Variants in DEGS1 observed in about 807,000 individuals in gnomAD.
The protein encoded by DEGS1 is delta 4-desaturase, sphingolipid 1.
A neutral mutation model predicts 24.1 loss-of-function variants in DEGS1; 17 were observed. The ratio of observed to expected loss-of-function variants is 0.70; its 90% CI spans 0.48 to 1.06. The LOEUF is 1.06. Ranked by LOEUF, DEGS1 falls within the 50% of genes least tolerant of loss-of-function variation. The probability of loss-of-function intolerance (pLI) is 0.00; values close to 1 mark genes in which losing one functional copy is unlikely to be tolerated. For synonymous variants in DEGS1, 134 were observed against 140.0 expected (o/e 0.96, Z 0.30); for missense variants, 366 against 408.9 (o/e 0.90, Z 0.91).
intron 1 of DEGS1, among the ~76,000 whole-genome samples, chr1:224,185,039 A>G (rs1032728001): frequency 6.6e-6 from 1 of 151,910 alleles, no homozygotes; most frequent in Admixed American, 6.6e-5. Context: ...TGAGTTGAAC[A>G]TGAGCAATTA....
At chr1:224,184,574 C>G (rs1311018337) in intron 1 of DEGS1, among the ~76,000 whole-genome samples, 2 of 151,738 alleles carry the variant, frequency 1.3e-5, no homozygotes, top group Non-Finnish European at 2.9e-5. Context: ...TGCAGTGGCG[C>G]GATCTCCACT....
Position 224,183,392 on chromosome 1 carries a change from A to T in DEGS1, c.56A>T (p.His19Leu). Residue 19 changes from histidine to leucine, a missense_variant, in exon 1 of 3, where the codon CAC (histidine) becomes CTC (leucine). By Grantham distance (99) the His-to-Leu change is moderately conservative (BLOSUM62 -3). Coordinates refer to ENST00000323699, the MANE Select transcript of DEGS1 (RefSeq NM_003676.4). ...GAGTGGGTCTACACCGACCAGCCGCACGCCGACCGGCGCCGGGAGATCCTG... is the reference window on the plus strand; with the variant it reads ...GAGTGGGTCTACACCGACCAGCCGCTCGCCGACCGGCGCCGGGAGATCCTG... ...DFEWVYTDQP[H>L]ADRRREILAK... is the part of the protein sequence containing the mutation. 1 of 1,432,032 alleles carries T rather than the reference A, an allele frequency of 7.0e-7. No individual in the cohort carries two copies. The highest frequency in any genetic ancestry group is 9.2e-7 in the Non-Finnish European group (1 of 1,083,088). 88.7% of individuals were successfully genotyped at this position (1,432,032 alleles called of 1,614,324 possible).
Position 224,189,829 on chromosome 1 carries a change from C to G in DEGS1, c.335C>G (p.Ala112Gly). The G allele has an allele frequency of 6.2e-7, 1 of 1,614,212 alleles. No homozygotes were observed. Among genetic ancestry groups the G allele is most frequent in the Middle Eastern group, 1.6e-4 (1 of 6,062 alleles). Reference protein sequence around the residue: ...AMWNRWFGMFANLPIGIPYSI... With the variant: ...AMWNRWFGMFGNLPIGIPYSI... ...TGGAATCGCTGGTTTGGAATGTTTG[C>G]TAATCTTCCTATTGGGATTCCATAT... Residue 112 changes from alanine to glycine, a missense_variant, in exon 2 of 3, where the codon GCT becomes GGT. Ala to Gly is a moderately conservative substitution (Grantham distance 60). Transcript: ENST00000323699.
chr1:224,184,437 G>T (rs1321586521), intron 1 of DEGS1, among the ~76,000 whole-genome samples: 3 of 152,002 alleles, frequency 2.0e-5, no homozygotes, highest in Non-Finnish European at 2.9e-5. Context: ...TGCGCATTCG[G>T]TTGCCTCTTC....
At chr1:224,188,908 CTA>C (rs1343749544) in intron 1 of DEGS1, among the ~76,000 whole-genome samples, 2 of 152,020 alleles carry the variant, frequency 1.3e-5, no homozygotes, top group African/African-American at 4.8e-5. Context: ...AGATTTATTT[CTA>C]TGTTTTCTTA....
chr1:224,188,143 A>G (rs1373793618), intron 1 of DEGS1, among the ~76,000 whole-genome samples: 1 of 152,046 alleles, frequency 6.6e-6, no homozygotes, highest in Non-Finnish European at 1.5e-5. Context: ...CTGTAGTCCC[A>G]GCTACTAGGG....
chr1:224,184,338 C>T (rs1658318417), intron 1 of DEGS1, among the ~76,000 whole-genome samples: 1 of 152,164 alleles, frequency 6.6e-6, no homozygotes, highest in Admixed American at 6.5e-5. Context: ...TACCCAATTT[C>T]ATCCTCTTGG....
At chr1:224,191,160 A>C (rs1170446799) in intron 2 of DEGS1, 1 of 151,792 alleles carries the variant, frequency 6.6e-6, no homozygotes, top group African/African-American at 2.4e-5. Flanking sequence ...GGCCTAGGTG[A>C]GTGGATCATC....
In DEGS1 at chr1:224,192,575, C is replaced by T. The variant is rs576963133; in HGVS notation, c.*97C>T. 9 of 1,194,570 alleles carry T rather than the reference C, an allele frequency of 7.5e-6. No individual in the cohort carries two copies. The Admixed American group carries it at 2.4e-4, about 32-fold the overall frequency. 74.0% of individuals were successfully genotyped at this position (1,194,570 alleles called of 1,614,324 possible). A position where few individuals can be genotyped will look rare whatever the true frequency, so the allele number is the denominator to read the frequency against. On this transcript the variant is annotated 3_prime_UTR_variant, in exon 3 of 3. Coordinates refer to ENST00000323699, the MANE Select transcript of DEGS1 (RefSeq NM_003676.4). Reference sequence around the variant, plus strand: ...TTGAGACCAGTGATGCTCAGAAGCTCCCCTGGCACAATTTCAGAGTAAGAG... The same window carrying T: ...TTGAGACCAGTGATGCTCAGAAGCTTCCCTGGCACAATTTCAGAGTAAGAG...
At chr1:224,192,191 CTTTT>C in intron 2 of DEGS1, 137 bp from the exon 3 acceptor site, 11 of 557,776 alleles carry the variant, frequency 2.0e-5, no homozygotes, top group Non-Finnish European at 2.9e-5. Context: ...GCTGCTGCTG[CTTTT>C]TTTTTTTTTT....
At chr1:224,185,674 C>T (rs2102652814) in intron 1 of DEGS1, among the ~76,000 whole-genome samples, 1 of 152,144 alleles carries the variant, frequency 6.6e-6, no homozygotes, top group East Asian at 1.9e-4. Context: ...CTAAGTTTTT[C>T]TATTTTTATT....
At chr1:224,186,569 C>T (rs1420790171) in intron 1 of DEGS1, among the ~76,000 whole-genome samples, 3 of 151,996 alleles carry the variant, frequency 2.0e-5, no homozygotes, top group Middle Eastern at 3.4e-3. Context: ...AAAAATTAGC[C>T]GGGCGTGGCG....
intron 1 of DEGS1, chr1:224,183,739 A>C (rs2102650853): frequency 4.3e-6 from 1 of 231,234 alleles, no homozygotes; most frequent in East Asian, 8.8e-5. Context: ...CGGCTGTGCC[A>C]GCCTTGAGTA....
intron 1 of DEGS1, among the ~76,000 whole-genome samples, chr1:224,184,966 C>G (rs1408528461): frequency 1.1e-5 from 1 of 92,474 alleles, no homozygotes; most frequent in Non-Finnish European, 2.3e-5. Context: ...GAGAGCCCCC[C>G]GTTTACACAC....
intron 1 of DEGS1, among the ~76,000 whole-genome samples, chr1:224,187,249 A>C (rs1394133689): frequency 6.6e-6 from 1 of 152,108 alleles, no homozygotes; most frequent in Non-Finnish European, 1.5e-5. Context: ...CAGAGGGTGC[A>C]GTGAGCTGAG....
intron 1 of DEGS1, among the ~76,000 whole-genome samples, chr1:224,188,523 C>CT (rs1015241343): frequency 2.0e-5 from 3 of 152,026 alleles, no homozygotes; most frequent in African/African-American, 4.8e-5. Context: ...TTTTACCTAC[C>CT]TTTTTTTATT....
At chr1:224,192,294 C>T in intron 2 of DEGS1, 38 bp from the exon 3 acceptor site, 1 of 1,585,306 alleles carries the variant, frequency 6.3e-7, no homozygotes, top group Non-Finnish European at 8.6e-7. Context: ...AACCTAGTAA[C>T]ACTCATTTTT....
In DEGS1 at chr1:224,193,361, A is replaced by G. The variant is rs528813155; in HGVS notation, c.*883A>G. The G allele has an allele frequency of 2.0e-5, 3 of 152,334 alleles. No homozygotes were observed. The highest frequency in any genetic ancestry group is 6.5e-5 in the Admixed American group (1 of 15,298). 9.4% of individuals were successfully genotyped at this position (152,334 alleles called of 1,614,324 possible). A position where few individuals can be genotyped will look rare whatever the true frequency, so the allele number is the denominator to read the frequency against. On this transcript the variant is annotated 3_prime_UTR_variant, in exon 3 of 3. Coordinates refer to ENST00000323699, the MANE Select transcript of DEGS1 (RefSeq NM_003676.4). ...CTCATTTAAAAATTTTAACTTCTAT[A>G]TGGGACCCGAATTAGACACTGCTGA...
intron 1 of DEGS1, among the ~76,000 whole-genome samples, chr1:224,187,655 A>G (rs1658431079): frequency 6.6e-6 from 1 of 152,064 alleles, no homozygotes; most frequent in African/African-American, 2.4e-5. Flanking sequence ...CACCTGGCCA[A>G]TAGCTTTATT....
Sources: gnomAD v4.1 joint callset for allele counts (sites outside exome capture counted in the v4.1 genomes callset) on GRCh38, gnomAD v4.1.1 for gene constraint, MANE v1.5 for transcripts, NCBI Gene and HGNC (gene_info 2026-07-23, HGNC 2026-07-21) for gene names.